Variants in LARGE1 observed in about 807,000 individuals in gnomAD.
The protein encoded by LARGE1 is xylosyl- and glucuronyltransferase LARGE1.
Under a neutral mutation model 87.6 loss-of-function variants are expected in LARGE1, and 43 were observed. The ratio of observed to expected loss-of-function variants is 0.49; its 90% CI spans 0.38 to 0.63. The LOEUF (loss-of-function observed/expected upper bound fraction) is 0.63. Ranked by LOEUF, LARGE1 falls within the 30% of genes least tolerant of loss-of-function variation. LARGE1 has a pLI of 0.00. For missense variants in LARGE1, 802 were observed against 1,000.2 expected (o/e 0.80, Z 2.67); for synonymous variants, 434 against 394.6 (o/e 1.10, Z -1.18).
intron 6 of LARGE1, among the ~76,000 whole-genome samples, chr22:33,477,792 C>T (rs1442201645): frequency 2.0e-5 from 3 of 152,156 alleles, no homozygotes; most frequent in African/African-American, 2.4e-5. Flanking sequence ...ATCAGTCTTT[C>T]GATGTCCTGC....
In LARGE1 at chr22:33,444,676, T is replaced by A. The variant is rs534228882; in HGVS notation, c.788-12411A>T. Among the ~76,000 whole-genome samples, 14 of 152,326 alleles carry A rather than the reference T, an allele frequency of 9.2e-5. 1 individual carries two copies. In the South Asian group the frequency reaches 2.7e-3, roughly 29 times the overall value. ...TATGCTGGCTTGGCATCATTTGGTA[T>A]AAGGTTAATGAAAGGCGTATTTCAA... On this transcript the variant is annotated intron_variant, in intron 6 of 14. Coordinates refer to ENST00000397394, the MANE Select transcript of LARGE1 (RefSeq NM_133642.5).
chr22:33,617,289 C>T (rs2079608353), intron 4 of LARGE1, among the ~76,000 whole-genome samples: 1 of 152,224 alleles, frequency 6.6e-6, no homozygotes. Context: ...CCTTATTTCA[C>T]ATTTGGTTCC....
intron 9 of LARGE1, among the ~76,000 whole-genome samples, chr22:33,368,902 T>C (rs1165742130): frequency 6.6e-6 from 1 of 152,208 alleles, no homozygotes; most frequent in Non-Finnish European, 1.5e-5. Flanking sequence ...CACCTGGCCT[T>C]CAGTGAGTCA....
intron 9 of LARGE1, among the ~76,000 whole-genome samples, chr22:33,380,967 C>T (rs1230885127): frequency 6.6e-6 from 1 of 152,204 alleles, no homozygotes; most frequent in Admixed American, 6.5e-5. Context: ...ACTCACACTC[C>T]TTACTCAAAG....
At chr22:33,561,061 G>C (rs1464353679) in intron 6 of LARGE1, among the ~76,000 whole-genome samples, 1 of 152,116 alleles carries the variant, frequency 6.6e-6, no homozygotes, top group African/African-American at 2.4e-5. Context: ...TGATCTGCCG[G>C]GCTCGGCCTC....
intron 3 of LARGE1, among the ~76,000 whole-genome samples, chr22:33,628,096 C>T (rs1005169602): frequency 6.6e-6 from 1 of 152,018 alleles, no homozygotes; most frequent in Non-Finnish European, 1.5e-5. Context: ...ATACCTGCTC[C>T]CAAGAAGAAA....
chr22:33,741,323 C>T (rs1361545990), intron 2 of LARGE1, among the ~76,000 whole-genome samples: 4 of 152,360 alleles, frequency 2.6e-5, no homozygotes, highest in African/African-American at 9.6e-5. Context: ...AATAGGAACA[C>T]CACCTCAACT....
intron 1 of LARGE1, among the ~76,000 whole-genome samples, chr22:33,844,889 G>A (rs2063386052): frequency 6.6e-6 from 1 of 151,546 alleles, no homozygotes; most frequent in South Asian, 2.1e-4. Context: ...CCTGGCTAAT[G>A]TTGTATTTTT....
At chr22:33,804,280 T>G (rs183594664) in intron 1 of LARGE1, among the ~76,000 whole-genome samples, 1 of 152,200 alleles carries the variant, frequency 6.6e-6, no homozygotes, top group Non-Finnish European at 1.5e-5. Context: ...ATCTCCAACA[T>G]TGAACGCAGA....
intron 4 of LARGE1, among the ~76,000 whole-genome samples, chr22:33,610,000 T>A (rs1370910888): frequency 1.3e-5 from 2 of 152,094 alleles, no homozygotes; most frequent in Non-Finnish European, 2.9e-5. Flanking sequence ...AAGTAAACAC[T>A]CCTTGAGGTG....
At chr22:33,168,343 T>C (rs1213531164) in intron 11 of LARGE1, among the ~76,000 whole-genome samples, 2 of 152,194 alleles carry the variant, frequency 1.3e-5, no homozygotes, top group Non-Finnish European at 2.9e-5. Context: ...AGTAGCTGTA[T>C]ATATAAGGCC....
intron 7 of LARGE1, among the ~76,000 whole-genome samples, chr22:33,419,865 T>C (rs940723506): frequency 1.3e-5 from 2 of 152,134 alleles, no homozygotes; most frequent in Non-Finnish European, 2.9e-5. Flanking sequence ...AGCTAATTTT[T>C]GTGTTTATAG....
At chr22:33,324,145 C>A (rs1437122039) in intron 10 of LARGE1, among the ~76,000 whole-genome samples, 2 of 135,144 alleles carry the variant, frequency 1.5e-5, no homozygotes, top group Non-Finnish European at 3.1e-5. Flanking sequence ...GGCAGAACAG[C>A]TTGAACCCAG....
At chr22:33,317,888 C>T (rs1053185660) in intron 10 of LARGE1, among the ~76,000 whole-genome samples, 6 of 152,082 alleles carry the variant, frequency 3.9e-5, no homozygotes, top group South Asian at 2.1e-4. Flanking sequence ...ATGACTGGAG[C>T]GATGGGTACA....
chr22:33,581,504 T>C (rs951376416), intron 5 of LARGE1, among the ~76,000 whole-genome samples: 25 of 152,134 alleles, frequency 1.6e-4, no homozygotes, highest in African/African-American at 5.8e-4. Flanking sequence ...TTGTTTTCCA[T>C]GCTTCAGTTA....
At chr22:33,510,855 G>A (rs770937444) in intron 6 of LARGE1, among the ~76,000 whole-genome samples, 5 of 152,180 alleles carry the variant, frequency 3.3e-5, no homozygotes, top group Non-Finnish European at 5.9e-5. Flanking sequence ...CCAAAGTGCT[G>A]GGATTACAGG....
chr22:33,663,477 C>CCAAG (rs1212786280), intron 2 of LARGE1, among the ~76,000 whole-genome samples: 3 of 152,080 alleles, frequency 2.0e-5, no homozygotes, highest in Admixed American at 6.6e-5. Context: ...AGGAATGATG[C>CCAAG]GCTTGAGTGC....
At chr22:33,427,271 G>C (rs559772723) in intron 7 of LARGE1, among the ~76,000 whole-genome samples, 12 of 152,150 alleles carry the variant, frequency 7.9e-5, no homozygotes, top group African/African-American at 2.9e-4. Context: ...AATTTCACCC[G>C]AACAGTTATG....
intron 7 of LARGE1, among the ~76,000 whole-genome samples, chr22:33,410,427 C>T (rs560575973): frequency 1.3e-4 from 19 of 151,820 alleles, no homozygotes; most frequent in African/African-American, 2.9e-4. Context: ...ATCATGGGGG[C>T]GGGGGGCGGT....
Sources: gnomAD v4.1 joint callset for allele counts (sites outside exome capture counted in the v4.1 genomes callset) on GRCh38, gnomAD v4.1.1 for gene constraint, MANE v1.5 for transcripts, NCBI Gene and HGNC (gene_info 2026-07-23, HGNC 2026-07-21) for gene names.